SEL1L2: variants seen among roughly 807,000 people sequenced by gnomAD.
SEL1L2 encodes the protein protein sel-1 homolog 2.
SEL1L2 carries 89 observed loss-of-function variants against 98.8 expected under a neutral mutation model. That is an observed-to-expected ratio of 0.90 (90% CI 0.76 to 1.07). SEL1L2 has a LOEUF of 1.07. Ranked by LOEUF, SEL1L2 falls within the 50% of genes least tolerant of loss-of-function variation. The pLI, the probability that SEL1L2 is intolerant of heterozygous loss-of-function variation, is 0.00. For synonymous variants in SEL1L2, 262 were observed against 278.5 expected (o/e 0.94, Z 0.59); for missense variants, 788 against 812.0 (o/e 0.97, Z 0.36).
intron 5 of SEL1L2, among the ~76,000 whole-genome samples, chr20:13,896,493 A>C (rs2047431760): frequency 6.6e-6 from 1 of 151,616 alleles, no homozygotes; most frequent in Non-Finnish European, 1.5e-5. Context: ...AAACAAACAA[A>C]TAAACAAACA....
Position 13,859,370 on chromosome 20 carries a change from G to A in SEL1L2, c.1710C>T (p.Asp570=). 6.2e-7 allele frequency: 1 copy of A among 1,614,082 alleles called. No homozygotes were observed. Among genetic ancestry groups the A allele is most frequent in the Non-Finnish European group, 8.5e-7 (1 of 1,179,974 alleles). Reference sequence around the variant, plus strand: ...TGTAGTGTGTGGCTGCTGTTTGATAGTCTTTCTTAGTCCCATAGCCATAGT... The same window carrying A: ...TGTAGTGTGTGGCTGCTGTTTGATAATCTTTCTTAGTCCCATAGCCATAGT... ...YHYYGYGTKK[D]YQTAATHYSI... is the part of the protein sequence containing the mutation. Residue 570 remains aspartate, a synonymous_variant, in exon 18 of 20, where the codon GAC becomes GAT. Coordinates refer to ENST00000284951, the MANE Select transcript of SEL1L2 (RefSeq NM_025229.2).
At chr20:13,964,742 A>T (rs921545497) in intron 1 of SEL1L2, among the ~76,000 whole-genome samples, 1 of 151,536 alleles carries the variant, frequency 6.6e-6, no homozygotes, top group Non-Finnish European at 1.5e-5. Flanking sequence ...TCTGCTTCTT[A>T]ATAGTCTTTT....
intron 1 of SEL1L2, among the ~76,000 whole-genome samples, chr20:13,978,738 C>T (rs928826045): frequency 4.6e-5 from 7 of 151,876 alleles, no homozygotes; most frequent in Non-Finnish European, 8.8e-5. Context: ...AAAATATACA[C>T]AATGAAATAT....
At chr20:13,914,063 C>T in intron 4 of SEL1L2, 119 bp from the exon 5 acceptor site, 4 of 860,782 alleles carry the variant, frequency 4.6e-6, no homozygotes, top group Non-Finnish European at 5.2e-6. Flanking sequence ...TACAGTTTAG[C>T]TGAAGTTCAT....
At chr20:13,859,170 T>C (rs1051058269) in intron 18 of SEL1L2, 92 bp downstream of exon 18, 286 of 1,221,584 alleles carry the variant, frequency 2.3e-4, no homozygotes, top group Non-Finnish European at 2.5e-4. Flanking sequence ...TTCCTCTACA[T>C]TGATGACATC....
intron 17 of SEL1L2, among the ~76,000 whole-genome samples, chr20:13,859,892 C>T (rs1199936117): frequency 6.6e-6 from 1 of 152,130 alleles, no homozygotes; most frequent in African/African-American, 2.4e-5. Flanking sequence ...TTAGTAGAGA[C>T]AGGGTTTCAC....
At chr20:13,926,602 T>C (rs1276077661) in intron 3 of SEL1L2, among the ~76,000 whole-genome samples, 2 of 152,186 alleles carry the variant, frequency 1.3e-5, no homozygotes, top group Non-Finnish European at 2.9e-5. Context: ...TGCAGCACTC[T>C]GTAGCTGAAA....
intron 2 of SEL1L2, among the ~76,000 whole-genome samples, chr20:13,943,530 C>G (rs1002916816): frequency 6.8e-6 from 1 of 146,984 alleles, no homozygotes; most frequent in Non-Finnish European, 1.5e-5. Flanking sequence ...CTTAATTTTA[C>G]TAGAGCTACT....
chr20:13,931,929 A>G lies in SEL1L2; in HGVS notation c.115-158T>C, dbSNP rs762532722. 2.6e-5 allele frequency among the ~76,000 whole-genome samples: 4 copies of G among 152,246 alleles called. No homozygotes were observed. The South Asian group carries it at 8.3e-4, about 31-fold the overall frequency. The stretch of plus-strand genomic sequence containing the variant: ...TTCAAATCAAAATGACAGATGGCTT[A>G]CTTCACTTTAGAAATCCATATGTTT... On this transcript the variant is annotated intron_variant, in intron 2 of 19. Transcript: ENST00000284951.
At chr20:13,920,600 CACACAT>C (rs1600753338) in intron 3 of SEL1L2, among the ~76,000 whole-genome samples, 3 of 152,126 alleles carry the variant, frequency 2.0e-5, no homozygotes, top group Admixed American at 6.6e-5. Context: ...CACACACACA[CACACAT>C]ACAGCCTTTT....
chr20:13,951,150 G>A (rs971087068), intron 2 of SEL1L2, among the ~76,000 whole-genome samples: 59 of 151,348 alleles, frequency 3.9e-4, no homozygotes, highest in African/African-American at 1.1e-3. Flanking sequence ...GGTGGCGGGC[G>A]CCTATAGTCC....
chr20:13,933,134 G>A (rs1457673211), intron 2 of SEL1L2, among the ~76,000 whole-genome samples: 1 of 152,040 alleles, frequency 6.6e-6, no homozygotes, highest in African/African-American at 2.4e-5. Flanking sequence ...GCTTGAACCT[G>A]CGAGGCGGAG....
At chr20:13,918,644 A>G (rs2048514586) in intron 4 of SEL1L2, among the ~76,000 whole-genome samples, 1 of 152,250 alleles carries the variant, frequency 6.6e-6, no homozygotes. Flanking sequence ...AAGATACTGT[A>G]CAAACACCCA....
At chr20:13,854,286 G>A (rs537750813) in intron 18 of SEL1L2, among the ~76,000 whole-genome samples, 4 of 152,148 alleles carry the variant, frequency 2.6e-5, no homozygotes, top group Non-Finnish European at 4.4e-5. Flanking sequence ...TTCCCCAAAG[G>A]ATAATTTCCC....
At chr20:13,920,067 A>G (rs2048585702) in intron 3 of SEL1L2, among the ~76,000 whole-genome samples, 1 of 151,808 alleles carries the variant, frequency 6.6e-6, no homozygotes, top group South Asian at 2.1e-4. Context: ...TGTCTCTACT[A>G]AAAAATATAA....
intron 1 of SEL1L2, among the ~76,000 whole-genome samples, chr20:13,963,454 C>T (rs190217432): frequency 4.1e-4 from 61 of 150,358 alleles, no homozygotes; most frequent in East Asian, 2.5e-3. Flanking sequence ...CGGTGGCTCA[C>T]GCCTGGAATC....
rs766469531 is a variant in SEL1L2, at chr20:13,978,561, A to T, written c.58+11916T>A. 6.8e-4 allele frequency among the ~76,000 whole-genome samples: 103 copies of T among 152,280 alleles called. 2 individuals carry two copies. Among genetic ancestry groups the T allele is most frequent in the Admixed American group, 3.5e-3 (53 of 15,296 alleles). On this transcript the variant is annotated intron_variant, in intron 1 of 19. Coordinates refer to ENST00000284951, the MANE Select transcript of SEL1L2 (RefSeq NM_025229.2). ...CATATGATCCATCAATCCTACTACT[A>T]TTTATCCAAAGAAAAGGAAATCAGT...
At chr20:13,994,601 C>T (rs1191474307), upstream of SEL1L2, among the ~76,000 whole-genome samples, 1 of 152,120 alleles carries the variant, frequency 6.6e-6, no homozygotes, top group African/African-American at 2.4e-5. Context: ...GGGTACCAAA[C>T]TTCTAAATTA....
In SEL1L2 at chr20:13,887,768, C is replaced by A. The variant is rs867702328; in HGVS notation, c.745+1G>T. 1 of 1,585,886 alleles carries A rather than the reference C, an allele frequency of 6.3e-7. No individual in the cohort carries two copies. The highest frequency in any genetic ancestry group is 1.7e-4 in the Middle Eastern group (1 of 5,944). ...TAAAATAAATTATGTGGATTACTTA[C>A]TATAATCTGCCACTTTCTTGTAATA... On this transcript the variant is annotated splice_donor_variant, in intron 8 of 19. Coordinates refer to ENST00000284951, the MANE Select transcript of SEL1L2 (RefSeq NM_025229.2). LOFTEE classifies it high-confidence loss of function.
Sources: gnomAD v4.1 joint callset for allele counts (sites outside exome capture counted in the v4.1 genomes callset) on GRCh38, gnomAD v4.1.1 for gene constraint, MANE v1.5 for transcripts, NCBI Gene and HGNC (gene_info 2026-07-23, HGNC 2026-07-21) for gene names.